Variants in ZMYM2 observed in about 807,000 individuals in gnomAD.
ZMYM2 encodes the protein zinc finger MYM-type protein 2.
In ZMYM2, 56 loss-of-function variants were observed where a neutral mutation model predicts 162.8. The observed-to-expected ratio is 0.34, with a 90% CI of 0.28 to 0.43. The LOEUF is 0.43. Ranked by LOEUF, ZMYM2 falls within the 20% of genes least tolerant of loss-of-function variation. ZMYM2 has a pLI of 1.00. For synonymous variants in ZMYM2, 510 were observed against 541.6 expected, an observed-to-expected ratio of 0.94 and a Z score of 0.81; for missense variants, 1,275 against 1,621.8, an observed-to-expected ratio of 0.79 and a Z score of 3.67.
chr13:20,082,638 A>C, intron 22 of ZMYM2, 143 bp from the exon 23 acceptor site: 1 of 708,444 alleles, frequency 1.4e-6, no homozygotes, highest in South Asian at 2.7e-5. Flanking sequence ...CTGCATAGGT[A>C]ATTCTAGAAT....
intron 6 of ZMYM2, among the ~76,000 whole-genome samples, chr13:20,017,840 T>C (rs1951754385): frequency 6.6e-6 from 1 of 152,262 alleles, no homozygotes; most frequent in Non-Finnish European, 1.5e-5. Context: ...ACTTTTATGA[T>C]GACTGCTTTA....
At chr13:19,966,696 C>T (rs970841003) in intron 2 of ZMYM2, among the ~76,000 whole-genome samples, 10 of 152,176 alleles carry the variant, frequency 6.6e-5, no homozygotes, top group African/African-American at 2.2e-4. Context: ...CTGCCTTGGC[C>T]TCCCAAAGTG....
At chr13:19,967,543 T>C (rs1257821321) in intron 2 of ZMYM2, among the ~76,000 whole-genome samples, 2 of 152,226 alleles carry the variant, frequency 1.3e-5, no homozygotes, top group Admixed American at 1.3e-4. Context: ...AGTATATACA[T>C]TTAATACATT....
chr13:20,022,186 C>T (rs968705970), intron 7 of ZMYM2, among the ~76,000 whole-genome samples: 2 of 152,096 alleles, frequency 1.3e-5, no homozygotes, highest in African/African-American at 4.8e-5. Context: ...AATCTAATTT[C>T]TGTTAGTTGG....
At chr13:20,067,540 A>G (rs1593208866) in intron 21 of ZMYM2, 150 bp downstream of exon 21, 1 of 853,096 alleles carries the variant, frequency 1.2e-6, no homozygotes, top group Non-Finnish European at 1.7e-6. Context: ...TATAAATGAT[A>G]ATCAGGATGA....
chr13:20,075,976 A>AGTACAAGGGCACAG (rs1957476257), intron 21 of ZMYM2, among the ~76,000 whole-genome samples: 2 of 151,196 alleles, frequency 1.3e-5, no homozygotes, highest in Admixed American at 6.6e-5. Flanking sequence ...GATTACAGGC[A>AGTACAAGGGCACAG]TGAGCCACCA....
intron 2 of ZMYM2, among the ~76,000 whole-genome samples, chr13:19,964,188 C>A (rs2139122456): frequency 6.6e-6 from 1 of 151,910 alleles, no homozygotes; most frequent in East Asian, 1.9e-4. Flanking sequence ...ACCAGCCTGG[C>A]CAATGTGGTG....
At chr13:19,891,404 A>T in the ZMYM2 span, among the ~76,000 whole-genome samples, 1 of 150,932 alleles carries the variant, frequency 6.6e-6, no homozygotes, top group Non-Finnish European at 1.5e-5. Context: ...TGTTAAAGCC[A>T]CCCAGTCTGT....
At chr13:19,876,251 T>C in the ZMYM2 span, among the ~76,000 whole-genome samples, 1 of 152,104 alleles carries the variant, frequency 6.6e-6, no homozygotes, top group African/African-American at 2.4e-5. Context: ...GGTCTCAAAC[T>C]CCTGACCTCC....
chr13:20,006,337 G>C (rs1950747777), intron 5 of ZMYM2, 37 bp from the exon 6 acceptor site: 1 of 1,522,496 alleles, frequency 6.6e-7, no homozygotes, highest in African/African-American at 1.4e-5. Context: ...TTGTCAGATT[G>C]ATCTGTTTTG....
chr13:19,890,088 C>T, the ZMYM2 span, among the ~76,000 whole-genome samples: 1 of 151,852 alleles, frequency 6.6e-6, no homozygotes, highest in Admixed American at 6.6e-5. Flanking sequence ...ATTTAGATAT[C>T]CCTGTTTTTG....
chr13:19,878,782 A>G, the ZMYM2 span, among the ~76,000 whole-genome samples: 5 of 152,178 alleles, frequency 3.3e-5, no homozygotes, highest in African/African-American at 1.2e-4. Flanking sequence ...TCGGACTCCC[A>G]AAGTGCAGGC....
Position 20,058,722 on chromosome 13 carries a change from G to A in ZMYM2, c.2623+18G>A. 6.2e-7 allele frequency: 1 copy of A among 1,612,162 alleles called. No homozygotes were observed. Among genetic ancestry groups the A allele is most frequent in the Non-Finnish European group, 8.5e-7 (1 of 1,179,052 alleles). On this transcript the variant is annotated intron_variant, in intron 15 of 24. Coordinates refer to ENST00000610343, the MANE Select transcript of ZMYM2 (RefSeq NM_197968.4). ...TCAGACAGGTAACTTAGGACAATGT[G>A]ACTTACATACTTCCCCATACCTTCA...
intron 3 of ZMYM2, among the ~76,000 whole-genome samples, chr13:19,999,782 C>G (rs1219216091): frequency 6.6e-6 from 1 of 152,144 alleles, no homozygotes; most frequent in Non-Finnish European, 1.5e-5. Context: ...CTCCAGTGAA[C>G]ACAGGAATGA....
chr13:19,944,398 A>G, the ZMYM2 span, among the ~76,000 whole-genome samples: 1 of 152,212 alleles, frequency 6.6e-6, no homozygotes, highest in Non-Finnish European at 1.5e-5. Context: ...ATTATAGTTC[A>G]ATTGAATATT....
At chr13:19,884,174 C>A in the ZMYM2 span, among the ~76,000 whole-genome samples, 1 of 152,074 alleles carries the variant, frequency 6.6e-6, no homozygotes, top group African/African-American at 2.4e-5. Context: ...TTTACAACAG[C>A]CAGGAAACCA....
chr13:19,891,972 C>T, the ZMYM2 span, among the ~76,000 whole-genome samples: 1 of 151,790 alleles, frequency 6.6e-6, no homozygotes, highest in African/African-American at 2.4e-5. Context: ...GGCAGGGTCT[C>T]ACTGTATCAC....
chr13:20,040,134 A>G (rs759479922), intron 12 of ZMYM2, among the ~76,000 whole-genome samples: 4 of 152,098 alleles, frequency 2.6e-5, no homozygotes, highest in Non-Finnish European at 5.9e-5. Context: ...CCCCTCCTCA[A>G]TTTTTTGGAA....
the ZMYM2 span, among the ~76,000 whole-genome samples, chr13:19,920,929 AT>A: frequency 6.6e-6 from 1 of 151,024 alleles, no homozygotes; most frequent in South Asian, 2.1e-4. Context: ...TGCCCAGCTA[AT>A]TTTTGTATTT....
Sources: gnomAD v4.1 joint callset for allele counts (sites outside exome capture counted in the v4.1 genomes callset) on GRCh38, gnomAD v4.1.1 for gene constraint, MANE v1.5 for transcripts, NCBI Gene and HGNC (gene_info 2026-07-23, HGNC 2026-07-21) for gene names.